Variants in PAPPA observed in about 807,000 individuals in gnomAD.
PAPPA encodes pappalysin-1.
Under a neutral mutation model 164.0 loss-of-function variants are expected in PAPPA, and 60 were observed. The ratio of observed to expected loss-of-function variants is 0.37; its 90% CI spans 0.30 to 0.45. The LOEUF (loss-of-function observed/expected upper bound fraction) is 0.45. Ranked by LOEUF, PAPPA falls within the 20% of genes least tolerant of loss-of-function variation. The probability of loss-of-function intolerance (pLI) is 1.00; values close to 1 mark genes in which losing one functional copy is unlikely to be tolerated. For missense variants in PAPPA, 1,782 were observed against 2,087.3 expected (o/e 0.85, Z 2.85); for synonymous variants, 875 against 814.1 (o/e 1.07, Z -1.27).
At chr9:116,227,377 C>A in intron 5 of PAPPA, 54 bp from the exon 6 acceptor site, 1 of 1,599,246 alleles carries the variant, frequency 6.3e-7, no homozygotes, top group Non-Finnish European at 8.6e-7. Context: ...CCATCAGTTG[C>A]TCATTCAACT....
At chr9:116,376,861 C>T (rs761526756) in intron 19 of PAPPA, among the ~76,000 whole-genome samples, 10 of 152,174 alleles carry the variant, frequency 6.6e-5, no homozygotes, top group Admixed American at 1.3e-4. Context: ...CAGTATGACA[C>T]GGCAGCAGGT....
rs139236347 is a variant in PAPPA, at chr9:116,191,709, T to C, written c.1478+3493T>C. On this transcript the variant is annotated intron_variant, in intron 2 of 21. Transcript: ENST00000328252. ...TCAGCTGGAGGGGGCAAGATTTGAG[T>C]AGGCATTTGAGAATAGGCAGCCTGC... is the stretch of plus-strand genomic sequence containing the variant. Among the ~76,000 whole-genome samples the C allele has an allele frequency of 4.0e-3, 604 of 152,212 alleles. 2 individuals are homozygous for C. The highest frequency in any genetic ancestry group is 0.014 in the African/African-American group (568 of 41,524).
At chr9:116,310,375 C>T (rs1845701796) in intron 10 of PAPPA, among the ~76,000 whole-genome samples, 1 of 152,126 alleles carries the variant, frequency 6.6e-6, no homozygotes, top group Non-Finnish European at 1.5e-5. Context: ...CTGGTGGTTT[C>T]TGAATAATTT....
chr9:116,226,411 C>T (rs1844511183), intron 5 of PAPPA, among the ~76,000 whole-genome samples: 1 of 152,172 alleles, frequency 6.6e-6, no homozygotes, highest in Non-Finnish European at 1.5e-5. Context: ...ATAAGGAAGG[C>T]TTCAGACCTG....
chr9:116,380,293 A>AATGGATGG (rs34595210), intron 20 of PAPPA, among the ~76,000 whole-genome samples: 11 of 151,492 alleles, frequency 7.3e-5, no homozygotes, highest in South Asian at 2.1e-4. Flanking sequence ...AGGATAAATG[A>AATGGATGG]ATGGATGGAT....
At chr9:116,241,812 A>G (rs535335049) in intron 7 of PAPPA, among the ~76,000 whole-genome samples, 69 of 152,298 alleles carry the variant, frequency 4.5e-4, no homozygotes, top group African/African-American at 1.6e-3. Context: ...GTGAAGGCAC[A>G]GGTGGCTCTT....
rs762984998 is a variant in PAPPA, at chr9:116,374,230, GTGA to G, written c.4606-3337_4606-3335del. 8.9e-4 allele frequency among the ~76,000 whole-genome samples: 134 copies of G among 150,038 alleles called. 1 individual carries two copies. The highest frequency in any genetic ancestry group is 3.9e-4 in the Non-Finnish European group (26 of 67,358). The stretch of plus-strand genomic sequence containing the variant: ...GCCAATGGTGCTGATGATGATGACA[GTGA>G]TGATGATGGTAATTGCAACCAGGAA... On this transcript the variant is annotated intron_variant, in intron 19 of 21. Coordinates refer to ENST00000328252, the MANE Select transcript of PAPPA (RefSeq NM_002581.5).
chr9:116,199,310 A>G (rs1313883979), intron 2 of PAPPA, among the ~76,000 whole-genome samples: 3 of 152,210 alleles, frequency 2.0e-5, no homozygotes, highest in African/African-American at 7.2e-5. Context: ...TAGAGCAGCA[A>G]TAAAGGGGGC....
chr9:116,166,189 G>C (rs1843717519), intron 1 of PAPPA, among the ~76,000 whole-genome samples: 1 of 152,186 alleles, frequency 6.6e-6, no homozygotes, highest in African/African-American at 2.4e-5. Flanking sequence ...GAGCAAAGAA[G>C]TCAGAAGGGA....
intron 9 of PAPPA, among the ~76,000 whole-genome samples, chr9:116,282,407 CT>C (rs1263909865): frequency 2.0e-5 from 3 of 152,170 alleles, no homozygotes; most frequent in Non-Finnish European, 4.4e-5. Flanking sequence ...ACTGCATAGA[CT>C]GCATATATTT....
In PAPPA at chr9:116,398,495, A is replaced by AG. The variant is rs781590807; in HGVS notation, c.*1879_*1880insG. Reference sequence around the variant, plus strand: ...CATAGCACTTAAAAAAAAAAAAAAAAAGAGACCAAAAATAACTTTAGGAAC... The same window carrying AG: ...CATAGCACTTAAAAAAAAAAAAAAAAGAGAGACCAAAAATAACTTTAGGAAC... On this transcript the variant is annotated 3_prime_UTR_variant, in exon 22 of 22. Transcript: ENST00000328252. The AG allele has an allele frequency of 2.3e-5, 26 of 1,126,208 alleles. No individual in the cohort carries two copies. The highest frequency in any genetic ancestry group is 1.5e-4 in the South Asian group (10 of 67,876). The allele number at this position is 1,126,208 out of a possible 1,614,324, so 69.8% of individuals were successfully genotyped here.
At chr9:116,197,455 G>A (rs1844122348) in intron 2 of PAPPA, among the ~76,000 whole-genome samples, 1 of 152,222 alleles carries the variant, frequency 6.6e-6, no homozygotes, top group African/African-American at 2.4e-5. Context: ...AGTCCCAGCA[G>A]TGGCCTTGTG....
At chr9:116,298,651 T>A (rs1034074693) in intron 9 of PAPPA, among the ~76,000 whole-genome samples, 1 of 152,196 alleles carries the variant, frequency 6.6e-6, no homozygotes, top group Non-Finnish European at 1.5e-5. Flanking sequence ...AGTATATACA[T>A]CGGGGATGCC....
intron 6 of PAPPA, among the ~76,000 whole-genome samples, chr9:116,233,090 T>G (rs1027564173): frequency 6.6e-6 from 1 of 152,246 alleles, no homozygotes; most frequent in Non-Finnish European, 1.5e-5. Flanking sequence ...TGTTCTATGC[T>G]GTAACTTTTA....
rs1847050920 is a variant in PAPPA at position 116,401,304 on chromosome 9, G to A, written c.*4688G>A. On this transcript the variant is annotated 3_prime_UTR_variant, in exon 22 of 22. Transcript: ENST00000328252. ...GTCATTTCCAACTTATAGAGGAAGG[G>A]AGTCTCTAAAATCTCTTCTTCAGAA... 1 of 152,518 alleles carries A rather than the reference G, an allele frequency of 6.6e-6. No individual in the cohort carries two copies. The highest frequency in any genetic ancestry group is 1.5e-5 in the Non-Finnish European group (1 of 68,032). The allele number at this position is 152,518 out of a possible 1,614,324, so 9.4% of individuals were successfully genotyped here.
At position 116,382,404 on chromosome 9, in the gene PAPPA, G is replaced by C; in HGVS notation, c.4687G>C (p.Gly1563Arg). 1 of 1,612,272 alleles carries C rather than the reference G, an allele frequency of 6.2e-7. No individual in the cohort carries two copies. Among genetic ancestry groups the C allele is most frequent in the Non-Finnish European group, 8.5e-7 (1 of 1,178,356 alleles). The stretch of plus-strand genomic sequence containing the variant: ...CTGTCTCCCTTTCCAGCCCTTCATG[G>C]GAGACAATTATTGTGATGCCATCAA... The part of the protein sequence containing the change: ...HCVKGCEPFM[G>R]DNYCDAINNR... The change falls in exon 21 of 22, where the codon GGA becomes CGA. Residue 1563 changes from glycine to arginine, a missense_variant. Gly to Arg is a moderately radical substitution (Grantham distance 125). Transcript: ENST00000328252.
At chr9:116,388,996 C>A (rs550871182) in intron 21 of PAPPA, among the ~76,000 whole-genome samples, 17 of 152,274 alleles carry the variant, frequency 1.1e-4, no homozygotes, top group African/African-American at 4.1e-4. Context: ...GAAAAATAAT[C>A]AACATCATTA....
At position 116,154,733 on chromosome 9, in the gene PAPPA, G is replaced by A. The variant is rs998220790; in HGVS notation, c.415+146G>A. ...CCGCGAGCGGCGCAGAGACATCCGG[G>A]CGAGCTGAGAGCCTCACTTTGCTCC... On this transcript the variant is annotated intron_variant, in intron 1 of 21. Coordinates refer to ENST00000328252, the MANE Select transcript of PAPPA (RefSeq NM_002581.5). The surrounding 1 kb of genome is among the most constrained non-coding windows in gnomAD (Gnocchi z 5.2). 15 of 1,010,190 alleles carry A rather than the reference G, an allele frequency of 1.5e-5. No individual in the cohort carries two copies. In the African/African-American group the frequency reaches 2.0e-4, roughly 14 times the overall value. 62.6% of individuals were successfully genotyped at this position (1,010,190 alleles called of 1,614,324 possible).
At chr9:116,231,660 CGGAT>C (rs199915317) in intron 6 of PAPPA, among the ~76,000 whole-genome samples, 33,973 of 142,940 alleles carry the variant, frequency 0.24, 4,390 homozygotes, top group Non-Finnish European at 0.28. Flanking sequence ...AATGAATGGG[CGGAT>C]GGATGGATGG....
Sources: gnomAD v4.1 joint callset for allele counts (sites outside exome capture counted in the v4.1 genomes callset) on GRCh38, gnomAD v4.1.1 for gene constraint, Gnocchi (gnomAD v3.1) non-coding constraint, MANE v1.5 for transcripts, NCBI Gene and HGNC (gene_info 2026-07-23, HGNC 2026-07-21) for gene names.